The following TRPC6 variants were observed in gnomAD, a reference collection of about 807,000 sequenced individuals.
TRPC6 encodes the protein short transient receptor potential channel 6.
TRPC6 carries 55 observed loss-of-function variants against 90.7 expected under a neutral mutation model. The ratio of observed to expected loss-of-function variants is 0.61; its 90% CI spans 0.49 to 0.76. The LOEUF is 0.76. Ranked by LOEUF, TRPC6 falls within the 30% of genes least tolerant of loss-of-function variation. TRPC6 has a pLI of 0.00. For missense variants in TRPC6, 989 were observed against 1,122.7 expected (o/e 0.88, Z 1.70); for synonymous variants, 393 against 393.0 (o/e 1.00, Z 0.00).
At chr11:101,565,411 C>T (rs374899683) in intron 1 of TRPC6, among the ~76,000 whole-genome samples, 26 of 152,162 alleles carry the variant, frequency 1.7e-4, no homozygotes, top group African/African-American at 6.0e-4. Context: ...TTCCTCAATA[C>T]TTCCTGAAAT....
chr11:101,556,214 AT>A (rs1861557737), intron 1 of TRPC6, among the ~76,000 whole-genome samples: 1 of 152,196 alleles, frequency 6.6e-6, no homozygotes, highest in African/African-American at 2.4e-5. Context: ...AATAATAAAC[AT>A]TAGAGCAGAA....
At chr11:101,579,173 G>T (rs531366909) in intron 1 of TRPC6, among the ~76,000 whole-genome samples, 4 of 151,922 alleles carry the variant, frequency 2.6e-5, no homozygotes, top group African/African-American at 9.7e-5. Flanking sequence ...TGCATTTTGG[G>T]TATTATCATC....
intron 1 of TRPC6, among the ~76,000 whole-genome samples, chr11:101,507,891 C>T (rs1860310997): frequency 6.6e-6 from 1 of 151,958 alleles, no homozygotes; most frequent in South Asian, 2.1e-4. Flanking sequence ...TTCAATGTAC[C>T]ATTTCTGGAA....
At position 101,504,241 on chromosome 11, in the gene TRPC6, G is replaced by A. The variant is rs762792271; in HGVS notation, c.728C>T (p.Ala243Val). ...EIVHTLLRKGARIERPHDYFC... is the reference protein window; with the variant it reads ...EIVHTLLRKGVRIERPHDYFC... ...ATAATCATGAGGCCGTTCAATCCTA[G>A]CACCCTTCCGCAGGAGGGTATGCAC... Residue 243 changes from alanine to valine, a missense_variant, in exon 2 of 13, where the codon GCT becomes GTT. Ala to Val is a moderately conservative substitution (Grantham distance 64). Coordinates refer to ENST00000344327, the MANE Select transcript of TRPC6 (RefSeq NM_004621.6). 6.2e-7 allele frequency: 1 copy of A among 1,614,026 alleles called. No individual in the cohort carries two copies. The highest frequency in any genetic ancestry group is 1.1e-5 in the South Asian group (1 of 91,080).
At chr11:101,498,644 T>C (rs1340882127) in intron 2 of TRPC6, among the ~76,000 whole-genome samples, 1 of 152,168 alleles carries the variant, frequency 6.6e-6, no homozygotes, top group Non-Finnish European at 1.5e-5. Flanking sequence ...AGCTATGTAT[T>C]GGAGCTTACA....
intron 1 of TRPC6, among the ~76,000 whole-genome samples, chr11:101,529,116 G>T (rs1860850202): frequency 6.6e-6 from 1 of 152,148 alleles, no homozygotes; most frequent in Non-Finnish European, 1.5e-5. Flanking sequence ...GGATCCACAA[G>T]ACTTCATTTT....
chr11:101,486,754 T>C (rs1859686992), intron 4 of TRPC6, among the ~76,000 whole-genome samples: 1 of 152,070 alleles, frequency 6.6e-6, no homozygotes, highest in African/African-American at 2.4e-5. Context: ...CATGGATATA[T>C]TGGAAAATCC....
chr11:101,476,240 G>T, intron 6 of TRPC6, 61 bp downstream of exon 6: 1 of 1,393,452 alleles, frequency 7.2e-7, no homozygotes, highest in Non-Finnish European at 1.0e-6. Flanking sequence ...AACTACTACT[G>T]ACATCTGTTT....
At chr11:101,545,393 A>T (rs1044304330) in intron 1 of TRPC6, among the ~76,000 whole-genome samples, 4 of 152,172 alleles carry the variant, frequency 2.6e-5, no homozygotes, top group Non-Finnish European at 4.4e-5. Context: ...AAGCATCCAT[A>T]TATTTTGCTA....
chr11:101,491,785 T>C, intron 2 of TRPC6, 47 bp from the exon 3 acceptor site: 1 of 1,552,058 alleles, frequency 6.4e-7, no homozygotes, highest in Non-Finnish European at 8.9e-7. Flanking sequence ...GAATACCACG[T>C]TTTACTATGC....
intron 1 of TRPC6, among the ~76,000 whole-genome samples, chr11:101,514,488 T>C (rs949666971): frequency 6.6e-6 from 1 of 152,236 alleles, no homozygotes. Flanking sequence ...AAAATCACAG[T>C]TGTTTAAGTC....
At position 101,488,988 on chromosome 11, in the gene TRPC6, G is replaced by A. The variant is rs1859740327; in HGVS notation, c.1242C>T (p.Ala414=). Residue 414 remains alanine (A), a synonymous_variant, in exon 4 of 13, where the codon GCC becomes GCT. Transcript: ENST00000344327. ...TGAGAGCCAGGAAGGGCAGTCCAAT[G>A]GCAACAGCAAGGACCACAAGGAACT... The part of the protein sequence containing the change: ...AVKFLVVLAV[A]IGLPFLALIY... The A allele has an allele frequency of 6.2e-7, 1 of 1,614,146 alleles. No homozygotes were observed. Among genetic ancestry groups the A allele is most frequent in the South Asian group, 1.1e-5 (1 of 91,082 alleles).
chr11:101,508,656 G>A (rs1051071215), intron 1 of TRPC6, among the ~76,000 whole-genome samples: 1 of 152,092 alleles, frequency 6.6e-6, no homozygotes, highest in African/African-American at 2.4e-5. Context: ...TAGGGGGAGA[G>A]ACAGTATCTT....
intron 1 of TRPC6, among the ~76,000 whole-genome samples, chr11:101,516,044 G>A (rs1262491998): frequency 6.6e-6 from 1 of 150,504 alleles, no homozygotes; most frequent in Non-Finnish European, 1.5e-5. Flanking sequence ...GAACAGGCAT[G>A]GCATATATAA....
chr11:101,554,080 G>T (rs962977362), intron 1 of TRPC6, among the ~76,000 whole-genome samples: 1 of 152,124 alleles, frequency 6.6e-6, no homozygotes, highest in African/African-American at 2.4e-5. Context: ...GAATTCACTG[G>T]CCGGTGACTT....
intron 1 of TRPC6, among the ~76,000 whole-genome samples, chr11:101,521,353 G>C (rs1377666256): frequency 1.3e-5 from 2 of 152,148 alleles, no homozygotes; most frequent in African/African-American, 4.8e-5. Flanking sequence ...CATAAGCCTT[G>C]GTGGCTTCCA....
chr11:101,560,234 G>T, intron 1 of TRPC6, among the ~76,000 whole-genome samples: 1 of 151,512 alleles, frequency 6.6e-6, no homozygotes, highest in East Asian at 1.9e-4. Context: ...ACTTCTTTTG[G>T]ACCATTTAGC....
intron 1 of TRPC6, among the ~76,000 whole-genome samples, chr11:101,555,945 A>G (rs1861552214): frequency 6.6e-6 from 1 of 152,182 alleles, no homozygotes; most frequent in Non-Finnish European, 1.5e-5. Context: ...ATACACGGAT[A>G]TTGAACAGCA....
intron 1 of TRPC6, among the ~76,000 whole-genome samples, chr11:101,546,407 T>A (rs1372532762): frequency 6.6e-6 from 1 of 152,124 alleles, no homozygotes; most frequent in East Asian, 1.9e-4. Flanking sequence ...TGTGATGAGA[T>A]AAAGGAACCA....
Sources: gnomAD v4.1 joint callset for allele counts (sites outside exome capture counted in the v4.1 genomes callset) on GRCh38, gnomAD v4.1.1 for gene constraint, MANE v1.5 for transcripts, NCBI Gene and HGNC (gene_info 2026-07-23, HGNC 2026-07-21) for gene names.